Variants in SLC38A5 observed in about 807,000 individuals in gnomAD.
SLC38A5 encodes the protein solute carrier family 38 member 5, also known as sodium-coupled neutral amino acid transporter 5.
A neutral mutation model predicts 34.6 loss-of-function variants in SLC38A5; 9 were observed. That is an observed-to-expected ratio of 0.26 (90% CI 0.16 to 0.45). The LOEUF is 0.45. SLC38A5 is among the 20% of genes least tolerant of loss of function. The probability of loss-of-function intolerance (pLI) is 1.00; values close to 1 mark genes in which losing one functional copy is unlikely to be tolerated. For synonymous variants in SLC38A5, 157 were observed against 155.6 expected (o/e 1.01, Z -0.07); for missense variants, 253 against 394.7 (o/e 0.64, Z 3.04).
At chrX:48,459,279 G>A (rs2061419074) in intron 16 of SLC38A5, 4 of 435,001 alleles carry the variant, frequency 9.2e-6, no homozygotes, top group South Asian at 8.8e-5. Context: ...CTTCCCAATA[G>A]TGCTCTTTCC....
chrX:48,462,344 C>T (rs2061440345), intron 9 of SLC38A5, 53 bp from the exon 10 acceptor site: 1 of 1,140,500 alleles, frequency 8.8e-7, no homozygotes, highest in East Asian at 3.1e-5. Flanking sequence ...TGGTGGCTCA[C>T]ACCTATAATC....
intron 7 of SLC38A5, 66 bp downstream of exon 7, chrX:48,466,164 C>G: frequency 8.7e-7 from 1 of 1,153,143 alleles, no homozygotes; most frequent in Admixed American, 2.5e-5. Flanking sequence ...CCCAGCCCAG[C>G]CTGGGGAAGC....
chrX:48,468,076 T>G, intron 2 of SLC38A5, 151 bp from the exon 3 acceptor site: 1 of 843,024 alleles, frequency 1.2e-6, no homozygotes, highest in Non-Finnish European at 1.6e-6. Context: ...CAGACAGGGA[T>G]AGAAATGGAG....
At chrX:48,469,154 C>T in intron 2 of SLC38A5, 181 bp downstream of exon 2, 1 of 358,542 alleles carries the variant, frequency 2.8e-6, no homozygotes, top group Admixed American at 9.0e-5. Context: ...AGCCTCCCAC[C>T]CACACCTGAA....
In SLC38A5 at chrX:48,458,839, A is replaced by G; in HGVS notation, c.*94T>C. 9.1e-7 allele frequency: 1 copy of G among 1,103,991 alleles called. No homozygotes were observed. Among genetic ancestry groups the G allele is most frequent in the Non-Finnish European group, 1.2e-6 (1 of 841,017 alleles). 91.0% of individuals were successfully genotyped at this position (1,103,991 alleles called of 1,213,427 possible). A position where few individuals can be genotyped will look rare whatever the true frequency, so the allele number is the denominator to read the frequency against. On this transcript the variant is annotated 3_prime_UTR_variant, in exon 17 of 17. Transcript: ENST00000620913. ...TCTGACAACCACGTTCATGGGAACC[A>G]GCCACCTCCACATGTTGGGCAGGAG...
At chrX:48,460,867 A>T in intron 13 of SLC38A5, 103 bp from the exon 14 acceptor site, 1 of 1,008,579 alleles carries the variant, frequency 9.9e-7, no homozygotes, top group Non-Finnish European at 1.4e-6. Context: ...AAATCCACAC[A>T]AGTGAGGCAC....
chrX:48,462,155 G>A lies in SLC38A5; in HGVS notation c.634-11C>T. The A allele has an allele frequency of 5.8e-6, 7 of 1,209,536 alleles. No homozygotes were observed. Among genetic ancestry groups the A allele is most frequent in the Non-Finnish European group, 7.8e-6 (7 of 894,048 alleles). On this transcript the variant is annotated splice_polypyrimidine_tract_variant and intron_variant, in intron 10 of 16. Coordinates refer to ENST00000620913, the MANE Select transcript of SLC38A5 (RefSeq NM_033518.4). ...CTTCTTGTAGATGACCTGAGGATGG[G>A]GGCAGCAGGGAAGCCAGGTCATGGA...
Position 48,459,732 on chromosome X carries a change from C to G in SLC38A5, c.1213G>C (p.Gly405Arg). Reference sequence around the variant, plus strand: ...TGGGACTGGGGTGAGGTTTACTGACCGATAACTCCAAAGATATCCCGGATG... The same window carrying G: ...TGGGACTGGGGTGAGGTTTACTGACGGATAACTCCAAAGATATCCCGGATG... ...PTIRDIFGVI[G>R]STSAPSLIFI... The change falls in exon 15 of 17, where the codon GGG becomes CGG. Residue 405 changes from glycine (G) to arginine (R), a missense_variant and splice_region_variant. Physicochemically the swap from Gly to Arg is moderately radical, Grantham distance 125. Transcript: ENST00000620913. 2 of 1,209,937 alleles carry G rather than the reference C, an allele frequency of 1.7e-6. No homozygotes were observed. The highest frequency in any genetic ancestry group is 2.2e-6 in the Non-Finnish European group (2 of 894,712).
rs1556963477 is a variant in SLC38A5 at position 48,466,793 on chromosome X, T to C, written c.319+6A>G. On this transcript the variant is annotated splice_donor_region_variant and intron_variant, in intron 6 of 16. Transcript: ENST00000620913. ...TGGGGACTGGGATCCAGGCTCTGGG[T>C]CTCACCTGCAATACCAGCACAGGTC... 1 of 1,193,140 alleles carries C rather than the reference T, an allele frequency of 8.4e-7. No homozygotes were observed. The highest frequency in any genetic ancestry group is 1.8e-5 in the South Asian group (1 of 54,492).
rs1255007398 is a variant in SLC38A5 at position 48,458,629 on chromosome X, G to T, written c.*304C>A. The T allele has an allele frequency of 3.2e-6, 3 of 945,394 alleles. No homozygotes were observed. Among genetic ancestry groups the T allele is most frequent in the Non-Finnish European group, 4.0e-6 (3 of 759,212 alleles). The allele number at this position is 945,394 out of a possible 1,213,427, so 77.9% of individuals were successfully genotyped here. On this transcript the variant is annotated 3_prime_UTR_variant, in exon 17 of 17. Coordinates refer to ENST00000620913, the MANE Select transcript of SLC38A5 (RefSeq NM_033518.4). The stretch of plus-strand genomic sequence containing the variant: ...CAGCCAGGAGGAGGCAGAGAGGACT[G>T]GGCTGGGCAAAGGCTCCACCAGGAC...
rs2061488836 is a variant in SLC38A5, at chrX:48,467,704, A to G, written c.129+6T>C. Reference sequence around the variant, plus strand: ...CCACCAGGACAGATCCTGTGGGGCCACTCACATCCATGAACTGGACCGGCT... The same window carrying G: ...CCACCAGGACAGATCCTGTGGGGCCGCTCACATCCATGAACTGGACCGGCT... On this transcript the variant is annotated splice_donor_region_variant and intron_variant, in intron 4 of 16. Coordinates refer to ENST00000620913, the MANE Select transcript of SLC38A5 (RefSeq NM_033518.4). The G allele has an allele frequency of 3.3e-6, 4 of 1,205,555 alleles. No homozygotes were observed. The highest frequency in any genetic ancestry group is 4.5e-6 in the Non-Finnish European group (4 of 892,337).
rs781987629 is a variant in SLC38A5 at position 48,458,911 on chromosome X, G to T, written c.*22C>A. 1 of 1,170,055 alleles carries T rather than the reference G, an allele frequency of 8.5e-7. No individual in the cohort carries two copies. The highest frequency in any genetic ancestry group is 1.1e-6 in the Non-Finnish European group (1 of 873,700). ...ACCCCTCCATGTGCATGCGCACAGG[G>T]ACCTGGGCCAGCAGGGCCTGATCAG... On this transcript the variant is annotated 3_prime_UTR_variant, in exon 17 of 17. Transcript: ENST00000620913.
rs1556961478 is a variant in SLC38A5, at chrX:48,459,893, G to A, written c.1069-17C>T. ...CCGGCGGATCTGTGGCCAGAGTAGG[G>A]TGGGACAGAAGTCAGGACCCAAGTG... On this transcript the variant is annotated splice_polypyrimidine_tract_variant and intron_variant, in intron 14 of 16. Coordinates refer to ENST00000620913, the MANE Select transcript of SLC38A5 (RefSeq NM_033518.4). 1 of 1,200,322 alleles carries A rather than the reference G, an allele frequency of 8.3e-7. No individual in the cohort carries two copies. The highest frequency in any genetic ancestry group is 1.1e-6 in the Non-Finnish European group (1 of 890,115).
intron 4 of SLC38A5, 73 bp from the exon 5 acceptor site, chrX:48,467,150 G>T: frequency 1.1e-6 from 1 of 913,245 alleles, no homozygotes; most frequent in Non-Finnish European, 1.6e-6. Flanking sequence ...GCCAGGGCCA[G>T]GGAAAGACTA....
intron 14 of SLC38A5, among the ~76,000 whole-genome samples, chrX:48,460,365 C>T (rs2061425983): frequency 9.0e-6 from 1 of 111,086 alleles, no homozygotes; most frequent in Admixed American, 9.6e-5. Context: ...CTCCAACTGA[C>T]CCTTCCTGCC....
At position 48,466,888 on chromosome X, in the gene SLC38A5, C is replaced by T. The variant is rs1232479580; in HGVS notation, c.246-16G>A. The T allele has an allele frequency of 1.7e-6, 2 of 1,202,940 alleles. No individual in the cohort carries two copies. The highest frequency in any genetic ancestry group is 3.5e-5 in the African/African-American group (2 of 57,154). On this transcript the variant is annotated splice_polypyrimidine_tract_variant and intron_variant, in intron 5 of 16. Transcript: ENST00000620913. The stretch of plus-strand genomic sequence containing the variant: ...CAGCAGGGCCCTGCGGCAGGTGGCA[C>T]AGCTCAGACCTGGCCCCAGGCCTCC...
chrX:48,461,952 G>T, intron 11 of SLC38A5, 55 bp downstream of exon 11: 1 of 1,136,541 alleles, frequency 8.8e-7, no homozygotes, highest in South Asian at 2.2e-5. Context: ...TGCACCATAT[G>T]ACAGAACCAG....
rs782371400 is a variant in SLC38A5 at position 48,467,755 on chromosome X, G to A, written c.84C>T (p.Pro28=). 31 of 1,206,446 alleles carry A rather than the reference G, an allele frequency of 2.6e-5. No homozygotes were observed. In the Admixed American group the frequency reaches 6.8e-4, roughly 27 times the overall value. Residue 28 remains proline (P), a synonymous_variant, in exon 4 of 17, where the codon CCC becomes CCT. Transcript: ENST00000620913. ...TGCTCCCAGGAGCAGGACCACGACT[G>A]GGCAGGAAGCCCTCACGTTCTTGCC... ...GYRQEREGFL[P]SRGPAPGSKP...
intron 8 of SLC38A5, 88 bp downstream of exon 8, chrX:48,465,927 G>A: frequency 2.5e-6 from 2 of 815,671 alleles, no homozygotes; most frequent in South Asian, 2.9e-5. Context: ...CTGGAAGTCA[G>A]CTGCACACAC....
Sources: allele counts gnomAD v4.1 joint callset (sites outside exome capture counted in the v4.1 genomes callset), GRCh38; gene constraint gnomAD v4.1.1; transcripts MANE v1.5; gene names NCBI Gene and HGNC (gene_info 2026-07-23, HGNC 2026-07-21).